Variants in C7orf57 observed in about 807,000 individuals in gnomAD.
C7orf57 encodes uncharacterized protein C7orf57.
In C7orf57, 33 loss-of-function variants were observed where a neutral mutation model predicts 39.0. The observed-to-expected ratio is 0.85, with a 90% CI of 0.64 to 1.13. The LOEUF is 1.13. Ranked by LOEUF, C7orf57 falls within the 50% of genes most tolerant of loss-of-function variation. The probability of loss-of-function intolerance (pLI) is 0.00; values close to 1 mark genes in which losing one functional copy is unlikely to be tolerated. For missense variants in C7orf57, 346 were observed against 362.3 expected (o/e 0.95, Z 0.37); for synonymous variants, 124 against 137.1 (o/e 0.90, Z 0.67).
At chr7:48,041,138 A>C (rs370850851) in intron 2 of C7orf57, among the ~76,000 whole-genome samples, 196 bp from the exon 3 acceptor site, 11 of 152,120 alleles carry the variant, frequency 7.2e-5, no homozygotes, top group African/African-American at 2.4e-4. Flanking sequence ...GGTGGGCAGT[A>C]GAGACTGGAT....
intron 8 of C7orf57, among the ~76,000 whole-genome samples, chr7:48,056,459 C>T (rs1791118112): frequency 6.6e-6 from 1 of 151,968 alleles, no homozygotes; most frequent in Non-Finnish European, 1.5e-5. Context: ...AATGTAGTCC[C>T]ACTTATTTTT....
At chr7:48,049,296 C>T (rs1237386651) in intron 5 of C7orf57, among the ~76,000 whole-genome samples, 2 of 152,216 alleles carry the variant, frequency 1.3e-5, no homozygotes, top group Non-Finnish European at 2.9e-5. Context: ...TTAATTCTTA[C>T]ACTTCCTTTT....
chr7:48,043,790 T>G (rs1790624404), intron 4 of C7orf57, among the ~76,000 whole-genome samples: 1 of 152,060 alleles, frequency 6.6e-6, no homozygotes, highest in Non-Finnish European at 1.5e-5. Flanking sequence ...CCTGTGGCAT[T>G]TTGTGCCACC....
At chr7:48,054,412 CA>C (rs35256733) in intron 7 of C7orf57, among the ~76,000 whole-genome samples, 182 bp from the exon 8 acceptor site, 24,803 of 86,616 alleles carry the variant, frequency 0.29, 1,881 homozygotes, top group Middle Eastern at 0.47. Flanking sequence ...GAAACTCTCT[CA>C]AAAAAAAAAA....
rs775121954 is a variant in C7orf57 at position 48,041,356 on chromosome 7, G to A, written c.78G>A (p.Val26=). The A allele has an allele frequency of 3.2e-5, 52 of 1,613,538 alleles. 1 individual carries two copies. In the Admixed American group the frequency reaches 8.5e-4, roughly 26 times the overall value. ...APCDWYYHVP[V]KRSEKAVDAP... is the part of the protein sequence containing the mutation. ...TAGATTGGTATTACCACGTCCCAGT[G>A]AAGCGCTCTGAGAAGGCCGTGGATG... is the stretch of plus-strand genomic sequence containing the variant. Residue 26 remains valine (V), a synonymous_variant, in exon 3 of 9, where the codon GTG becomes GTA. Coordinates refer to ENST00000348904, the MANE Select transcript of C7orf57 (RefSeq NM_001100159.3).
At chr7:48,059,491 C>T (rs374902741) in intron 8 of C7orf57, among the ~76,000 whole-genome samples, 7 of 152,272 alleles carry the variant, frequency 4.6e-5, no homozygotes, top group African/African-American at 1.4e-4. Context: ...GCTGGGACTA[C>T]GGGTGCATGC....
chr7:48,041,366 G>C lies in C7orf57; in HGVS notation c.88G>C (p.Glu30Gln), dbSNP rs761722347. ...WYYHVPVKRS[E>Q]KAVDAPPASQ... is the part of the protein sequence containing the mutation. ...TTACCACGTCCCAGTGAAGCGCTCT[G>C]AGAAGGCCGTGGATGCCCCACCAGC... Residue 30 changes from glutamate (E) to glutamine (Q), a missense_variant, in exon 3 of 9, where the codon GAG (glutamate) becomes CAG (glutamine). By Grantham distance (29) the Glu-to-Gln change is conservative. Transcript: ENST00000348904. The C allele has an allele frequency of 6.8e-6, 11 of 1,613,768 alleles. No homozygotes were observed. In the African/African-American group the frequency reaches 1.1e-4, roughly 16 times the overall value.
intron 2 of C7orf57, among the ~76,000 whole-genome samples, chr7:48,040,015 A>ATTCAAATAGTT (rs1269260542): frequency 6.6e-6 from 1 of 151,892 alleles, no homozygotes; most frequent in African/African-American, 2.4e-5. Flanking sequence ...AGTTACCTAG[A>ATTCAAATAGTT]ACCTCAGTTG....
intron 6 of C7orf57, among the ~76,000 whole-genome samples, chr7:48,051,835 CT>C (rs869236837): frequency 2.0e-5 from 1 of 50,150 alleles, no homozygotes; most frequent in Non-Finnish European, 3.9e-5. Context: ...TTCTTTCTTT[CT>C]TTCTTTCTTT....
chr7:48,041,292 A>G (rs755286795), intron 2 of C7orf57, 42 bp from the exon 3 acceptor site: 2 of 1,561,226 alleles, frequency 1.3e-6, no homozygotes, highest in Non-Finnish European at 8.7e-7. Flanking sequence ...GGCCACCCCG[A>G]CACACAGCAA....
intron 3 of C7orf57, among the ~76,000 whole-genome samples, chr7:48,042,264 C>T (rs1378358623): frequency 6.6e-6 from 1 of 152,230 alleles, no homozygotes; most frequent in Non-Finnish European, 1.5e-5. Flanking sequence ...AGGTGTGATG[C>T]TCAGAGAACA....
At chr7:48,051,799 C>CTTTCT (rs1562629857) in intron 6 of C7orf57, among the ~76,000 whole-genome samples, 1 of 37,492 alleles carries the variant, frequency 2.7e-5, no homozygotes, top group African/African-American at 1.2e-4. Context: ...TCTTTCTTTC[C>CTTTCT]TTCCTTCCTT....
rs1554299873 is a variant in C7orf57, at chr7:48,052,707, C to T, written c.613C>T (p.Gln205Ter). 1.2e-6 allele frequency: 2 copies of T among 1,613,366 alleles called. No homozygotes were observed. The highest frequency in any genetic ancestry group is 1.7e-6 in the Non-Finnish European group (2 of 1,179,548). ...SRLSFPPVPG[Q>*]KNSSPTNFSK... ...ACTTTTACTCTTTTTAAGGCCTGGT[C>T]AAAAAAACAGTTCACCTACCAATTT... Residue 205 changes from glutamine (Q) to a stop codon, truncating the protein, a stop_gained, in exon 7 of 9, where the codon CAA becomes TAA. Transcript: ENST00000348904. LOFTEE classifies it high-confidence loss of function.
chr7:48,059,843 G>A (rs1791241014), intron 8 of C7orf57, among the ~76,000 whole-genome samples: 1 of 152,150 alleles, frequency 6.6e-6, no homozygotes, highest in South Asian at 2.1e-4. Flanking sequence ...GCAGGGACAC[G>A]TGCCATGCCG....
chr7:48,050,338 G>A (rs1218244952), intron 6 of C7orf57, among the ~76,000 whole-genome samples: 2 of 152,172 alleles, frequency 1.3e-5, no homozygotes, highest in East Asian at 3.8e-4. Flanking sequence ...AGGTCCTGAC[G>A]TTTCTGTGTC....
intron 5 of C7orf57, among the ~76,000 whole-genome samples, chr7:48,048,334 C>T (rs554716609): frequency 4.2e-4 from 64 of 152,276 alleles, no homozygotes; most frequent in African/African-American, 1.4e-3. Flanking sequence ...GCTGACAAAG[C>T]GCTTCCTCAG....
chr7:48,051,851 CTTTCTTTCTTTCTTTCTTTCTCTTTCTCT>C (rs1790942539), intron 6 of C7orf57, among the ~76,000 whole-genome samples: 1 of 65,592 alleles, frequency 1.5e-5, no homozygotes, highest in African/African-American at 8.6e-5. Flanking sequence ...TTCTTTCTTT[CTTTCTTTCTTTCTTTCTTTCTCTTTCTCT>C]TTCTTTCTTT....
At chr7:48,036,566 G>T (rs550569614) in intron 2 of C7orf57, among the ~76,000 whole-genome samples, 1 of 152,156 alleles carries the variant, frequency 6.6e-6, no homozygotes, top group Admixed American at 6.5e-5. Context: ...AAATATGAGT[G>T]GGGGGAGTCT....
Position 48,060,463 on chromosome 7 carries a change from T to A in C7orf57, c.*191T>A. 1 of 459,954 alleles carries A rather than the reference T, an allele frequency of 2.2e-6. No individual in the cohort carries two copies. Among genetic ancestry groups the A allele is most frequent in the Non-Finnish European group, 4.0e-6 (1 of 247,764 alleles). The allele number at this position is 459,954 out of a possible 1,614,324, so 28.5% of individuals were successfully genotyped here. ...TTGGTTTTTGTTTCTTGCATTTCTC[T>A]GGGATGTGAAACACTTGGCTAACAA... On this transcript the variant is annotated 3_prime_UTR_variant, in exon 9 of 9. Coordinates refer to ENST00000348904, the MANE Select transcript of C7orf57 (RefSeq NM_001100159.3).
Sources: allele counts gnomAD v4.1 joint callset (sites outside exome capture counted in the v4.1 genomes callset), GRCh38; gene constraint gnomAD v4.1.1; transcripts MANE v1.5; gene names NCBI Gene and HGNC (gene_info 2026-07-23, HGNC 2026-07-21).